The following VWA8 variants were observed in gnomAD, a reference collection of about 807,000 sequenced individuals.
VWA8 encodes the protein von Willebrand factor A domain-containing protein 8.
VWA8 carries 221 observed loss-of-function variants against 241.5 expected under a neutral mutation model. The ratio of observed to expected loss-of-function variants is 0.91; its 90% CI spans 0.82 to 1.02. The LOEUF is 1.02. Ranked by LOEUF, VWA8 falls within the 50% of genes least tolerant of loss-of-function variation. The pLI is 0.00. For synonymous variants in VWA8, 852 were observed against 827.1 expected (o/e 1.03, Z -0.52); for missense variants, 2,322 against 2,328.7 (o/e 1.00, Z 0.06).
At chr13:41,846,621 T>C (rs1872301047) in intron 12 of VWA8, among the ~76,000 whole-genome samples, 1 of 152,204 alleles carries the variant, frequency 6.6e-6, no homozygotes, top group Non-Finnish European at 1.5e-5. Flanking sequence ...AGAAGTGATA[T>C]GACAATGCTG....
At chr13:41,780,317 C>T (rs1868833224) in intron 19 of VWA8, among the ~76,000 whole-genome samples, 1 of 152,190 alleles carries the variant, frequency 6.6e-6, no homozygotes, top group African/African-American at 2.4e-5. Flanking sequence ...AACTACAGCC[C>T]TCTATTTCTG....
intron 22 of VWA8, among the ~76,000 whole-genome samples, chr13:41,731,670 G>C (rs979003712): frequency 6.6e-6 from 1 of 152,148 alleles, no homozygotes; most frequent in African/African-American, 2.4e-5. Context: ...ATCTTGAATT[G>C]TAGCTCCCAT....
chr13:41,605,053 C>T, intron 40 of VWA8, 115 bp downstream of exon 40: 1 of 924,624 alleles, frequency 1.1e-6, no homozygotes, highest in East Asian at 2.5e-5. Flanking sequence ...CATTTTCACA[C>T]TGAGACATTT....
intron 42 of VWA8, among the ~76,000 whole-genome samples, chr13:41,586,489 C>T: frequency 6.6e-6 from 1 of 152,124 alleles, no homozygotes; most frequent in East Asian, 1.9e-4. Flanking sequence ...CTGAAGCTGC[C>T]CTTCTTCTTC....
intron 19 of VWA8, among the ~76,000 whole-genome samples, chr13:41,783,099 G>A (rs1043052531): frequency 6.6e-6 from 1 of 150,848 alleles, no homozygotes; most frequent in Non-Finnish European, 1.5e-5. Context: ...AAAAGAGGAT[G>A]ATAGCTCTGC....
chr13:41,938,650 C>CA (rs367709095), intron 2 of VWA8, among the ~76,000 whole-genome samples: 20,722 of 128,008 alleles, frequency 0.16, 1,485 homozygotes, highest in East Asian at 0.21. Context: ...GACTGCGTCT[C>CA]AAAAAAAAAA....
intron 12 of VWA8, 82 bp from the exon 13 acceptor site, chr13:41,833,613 G>C (rs1871581002): frequency 7.1e-7 from 1 of 1,404,438 alleles, no homozygotes; most frequent in Non-Finnish European, 9.4e-7. Flanking sequence ...TGGCTTTATA[G>C]AGTCACCTCC....
chr13:41,941,754 C>G (rs548286025), intron 2 of VWA8, among the ~76,000 whole-genome samples: 2 of 152,304 alleles, frequency 1.3e-5, no homozygotes, highest in East Asian at 3.9e-4. Context: ...GTATCCTACA[C>G]ATTTCATATA....
At chr13:41,799,409 C>T (rs1301068483) in intron 17 of VWA8, among the ~76,000 whole-genome samples, 1 of 152,192 alleles carries the variant, frequency 6.6e-6, no homozygotes, top group African/African-American at 2.4e-5. Flanking sequence ...CTCACACCTG[C>T]ACCTGAGCAA....
Position 41,783,464 on chromosome 13 carries a change from C to G in VWA8, c.2277+331G>C, listed in dbSNP as rs182576746. Among the ~76,000 whole-genome samples, 95 of 151,612 alleles carry G rather than the reference C, an allele frequency of 6.3e-4. 1 individual carries two copies. The South Asian group carries it at 0.012, about 19-fold the overall frequency. ...GCCAGCCTGGCCAATATGGTGAAAC[C>G]CTGTCTCTACTGAAAATACAAAAAT... On this transcript the variant is annotated intron_variant, in intron 19 of 44. Transcript: ENST00000379310.
At chr13:41,696,322 T>C (rs1198554112) in intron 29 of VWA8, among the ~76,000 whole-genome samples, 1 of 152,222 alleles carries the variant, frequency 6.6e-6, no homozygotes, top group African/African-American at 2.4e-5. Context: ...TAAAGTTGAC[T>C]TATTTCCTCA....
At chr13:41,838,353 T>C (rs1171816564) in intron 12 of VWA8, among the ~76,000 whole-genome samples, 3 of 152,184 alleles carry the variant, frequency 2.0e-5, no homozygotes, top group African/African-American at 4.8e-5. Flanking sequence ...GAAAATATTA[T>C]AGTACATTGT....
At chr13:41,633,744 C>T (rs1386734799) in intron 37 of VWA8, among the ~76,000 whole-genome samples, 1 of 152,146 alleles carries the variant, frequency 6.6e-6, no homozygotes, top group African/African-American at 2.4e-5. Flanking sequence ...CAGAAACACA[C>T]AAACAATTCA....
intron 4 of VWA8, among the ~76,000 whole-genome samples, chr13:41,897,857 G>T (rs575948396): frequency 3.4e-4 from 52 of 152,166 alleles, no homozygotes; most frequent in Non-Finnish European, 6.0e-4. Flanking sequence ...GGTTGCCACT[G>T]CTGGCTCCGG....
chr13:41,664,906 G>T (rs1730795382), intron 37 of VWA8, among the ~76,000 whole-genome samples: 1 of 151,998 alleles, frequency 6.6e-6, no homozygotes, highest in Non-Finnish European at 1.5e-5. Context: ...TTTTGGTCTT[G>T]TTCTAATTTG....
chr13:41,897,822 C>T (rs1232767700), intron 4 of VWA8, among the ~76,000 whole-genome samples: 1 of 152,110 alleles, frequency 6.6e-6, no homozygotes, highest in African/African-American at 2.4e-5. Flanking sequence ...ACAAAGCTTC[C>T]ACACTGTGGA....
rs564203043 is a variant in VWA8 at position 41,794,974 on chromosome 13, T to C, written c.2064-7431A>G. 9.0e-4 allele frequency among the ~76,000 whole-genome samples: 137 copies of C among 152,104 alleles called. 1 individual carries two copies. The highest frequency in any genetic ancestry group is 2.9e-3 in the African/African-American group (119 of 41,506). ...AAGAGATCTAATTAAACTAAAGAGC[T>C]TCTGCACAGCAAAAGAAACTATCAT... On this transcript the variant is annotated intron_variant, in intron 17 of 44. Coordinates refer to ENST00000379310, the MANE Select transcript of VWA8 (RefSeq NM_015058.2).
chr13:41,864,854 G>A (rs970641687), intron 12 of VWA8, among the ~76,000 whole-genome samples: 5 of 152,074 alleles, frequency 3.3e-5, no homozygotes, highest in African/African-American at 7.2e-5. Flanking sequence ...TAGTCATGGT[G>A]ACAGGCGCCT....
At chr13:41,792,631 T>C (rs1292931799) in intron 17 of VWA8, among the ~76,000 whole-genome samples, 1 of 152,016 alleles carries the variant, frequency 6.6e-6, no homozygotes, top group Non-Finnish European at 1.5e-5. Flanking sequence ...GACCAGCTTG[T>C]CAAATTCACT....
Sources: gnomAD v4.1 joint callset for allele counts (sites outside exome capture counted in the v4.1 genomes callset) on GRCh38, gnomAD v4.1.1 for gene constraint, MANE v1.5 for transcripts, NCBI Gene and HGNC (gene_info 2026-07-23, HGNC 2026-07-21) for gene names.